The following CA4 variants were observed in gnomAD, a reference collection of about 807,000 sequenced individuals.
The protein encoded by CA4 is CA-IV.
Under a neutral mutation model 34.5 loss-of-function variants are expected in CA4, and 24 were observed. That is an observed-to-expected ratio of 0.70 (90% CI 0.50 to 0.98). The LOEUF (loss-of-function observed/expected upper bound fraction) is 0.98. CA4 is among the 50% of genes least tolerant of loss of function. The pLI is 0.00. For synonymous variants in CA4, 178 were observed against 170.6 expected (o/e 1.04, Z -0.34); for missense variants, 394 against 396.7 (o/e 0.99, Z 0.06).
At chr17:60,169,265 C>CAAAAAAAAAAAAAAAAAAA (rs1567737713) in intron 5 of CA4, among the ~76,000 whole-genome samples, 1 of 139,556 alleles carries the variant, frequency 7.2e-6, no homozygotes, top group African/African-American at 3.0e-5. Flanking sequence ...AAAAAAAAAG[C>CAAAAAAAAAAAAAAAAAAA]AGCAGCAGCA....
the CA4 span, among the ~76,000 whole-genome samples, chr17:60,178,106 A>C: frequency 2.0e-5 from 3 of 152,238 alleles, no homozygotes; most frequent in African/African-American, 7.2e-5. Flanking sequence ...AAAATAAAAA[A>C]ATTAGTGGAC....
At chr17:60,161,980 G>A (rs1165453811), downstream of CA4, among the ~76,000 whole-genome samples, 1 of 151,908 alleles carries the variant, frequency 6.6e-6, no homozygotes, top group Non-Finnish European at 1.5e-5. Flanking sequence ...TGAATAATGT[G>A]GCAGCAGGAC....
downstream of CA4, among the ~76,000 whole-genome samples, chr17:60,161,335 T>A (rs995480682): frequency 1.5e-4 from 23 of 152,210 alleles, no homozygotes; most frequent in African/African-American, 4.3e-4. Context: ...GGCCCGCAGC[T>A]GTCAGACCTC....
chr17:60,172,808 C>T (rs2083922568), downstream of CA4, among the ~76,000 whole-genome samples: 1 of 151,758 alleles, frequency 6.6e-6, no homozygotes, highest in South Asian at 2.1e-4. Flanking sequence ...AGTGCCACTT[C>T]ACTCCAGCCT....
At chr17:60,171,503 G>GTGGCCA (rs2083910243), downstream of CA4, among the ~76,000 whole-genome samples, 1 of 152,234 alleles carries the variant, frequency 6.6e-6, no homozygotes, top group African/African-American at 2.4e-5. Context: ...GGCCCACCCT[G>GTGGCCA]TGGCCATGAT....
At chr17:60,156,325 A>G (rs1193051275) in intron 2 of CA4, among the ~76,000 whole-genome samples, 1 of 152,158 alleles carries the variant, frequency 6.6e-6, no homozygotes. Context: ...CCTGTTCCAC[A>G]CTGGGGCTAG....
At chr17:60,173,182 A>G (rs966640259), downstream of CA4, among the ~76,000 whole-genome samples, 3 of 152,228 alleles carry the variant, frequency 2.0e-5, no homozygotes, top group African/African-American at 7.2e-5. Context: ...ACTAAAATAA[A>G]TAAATACATA....
chr17:60,161,139 A>G (rs571034205), downstream of CA4, among the ~76,000 whole-genome samples: 3 of 152,054 alleles, frequency 2.0e-5, no homozygotes, highest in South Asian at 6.2e-4. Flanking sequence ...ACTTGTCAGG[A>G]AAGTCCCCAC....
At chr17:60,156,081 G>C (rs1470813654) in intron 2 of CA4, among the ~76,000 whole-genome samples, 1 of 152,128 alleles carries the variant, frequency 6.6e-6, no homozygotes, top group East Asian at 1.9e-4. Context: ...CCATTCCTCA[G>C]ATGATGCTCA....
At chr17:60,156,342 C>T (rs2083683258) in intron 2 of CA4, among the ~76,000 whole-genome samples, 1 of 152,190 alleles carries the variant, frequency 6.6e-6, no homozygotes, top group African/African-American at 2.4e-5. Context: ...CTAGACTCCC[C>T]AGCCTTGCAT....
At chr17:60,166,518 C>T (rs965065473) in intron 5 of CA4, among the ~76,000 whole-genome samples, 1 of 152,224 alleles carries the variant, frequency 6.6e-6, no homozygotes, top group African/African-American at 2.4e-5. Context: ...CCTCAAGAAA[C>T]TAATTTCTAT....
At chr17:60,174,777 C>T (rs2083942064), downstream of CA4, among the ~76,000 whole-genome samples, 1 of 152,218 alleles carries the variant, frequency 6.6e-6, no homozygotes, top group South Asian at 2.1e-4. Context: ...CTTACACATT[C>T]TGGTGTGTCC....
intron 1 of CA4, 33 bp from the exon 2 acceptor site, chr17:60,155,281 A>G (rs570966096): frequency 6.2e-7 from 1 of 1,604,448 alleles, no homozygotes; most frequent in East Asian, 2.2e-5. Flanking sequence ...AGACACACGC[A>G]CGCACACTTC....
chr17:60,161,107 G>T (rs547627426), downstream of CA4, among the ~76,000 whole-genome samples: 1 of 152,226 alleles, frequency 6.6e-6, no homozygotes, highest in South Asian at 2.1e-4. Context: ...GTGTCCAAGG[G>T]TGTGGGGCTT....
At chr17:60,168,974 C>T (rs1436516310) in intron 5 of CA4, among the ~76,000 whole-genome samples, 1 of 152,112 alleles carries the variant, frequency 6.6e-6, no homozygotes, top group East Asian at 1.9e-4. Context: ...CAACCAGGCA[C>T]GGTGACTCGC....
At chr17:60,166,739 CCT>C (rs2145303501) in intron 5 of CA4, among the ~76,000 whole-genome samples, 1 of 152,216 alleles carries the variant, frequency 6.6e-6, no homozygotes, top group Non-Finnish European at 1.5e-5. Context: ...GGGCGGATCA[CCT>C]GAGGTCAGGA....
downstream of CA4, among the ~76,000 whole-genome samples, chr17:60,163,002 T>C (rs778842924): frequency 4.6e-5 from 7 of 152,178 alleles, no homozygotes; most frequent in Non-Finnish European, 7.4e-5. Flanking sequence ...CTGTTTAGAT[T>C]CAGCATCCGG....
chr17:60,151,076 T>A (rs2083584334), intron 1 of CA4, among the ~76,000 whole-genome samples: 1 of 152,166 alleles, frequency 6.6e-6, no homozygotes, highest in South Asian at 2.1e-4. Context: ...ATGTTAATAT[T>A]TGATAAGAAG....
In CA4 at chr17:60,159,364, G is replaced by A; in HGVS notation, c.879G>A (p.Trp293Ter). 5.0e-6 allele frequency: 8 copies of A among 1,611,828 alleles called. No homozygotes were observed. Among genetic ancestry groups the A allele is most frequent in the East Asian group, 2.2e-5 (1 of 44,822 alleles). The change falls in exon 8 of 8, where the codon TGG becomes TGA. Residue 293 changes from tryptophan to a stop codon, truncating the protein, a stop_gained. Coordinates refer to ENST00000300900, the MANE Select transcript of CA4 (RefSeq NM_000717.5). LOFTEE classifies it low-confidence loss of function (END_TRUNC). ...GGGCCCCGGGTCGGCCGCTGCCCTG[G>A]GCCCTGCCTGCCCTGCTGGGCCCCA... is the stretch of plus-strand genomic sequence containing the variant. ...KSGAPGRPLP[W>*]ALPALLGPML...
Sources: allele counts gnomAD v4.1 joint callset (sites outside exome capture counted in the v4.1 genomes callset), GRCh38; gene constraint gnomAD v4.1.1; transcripts MANE v1.5; gene names NCBI Gene and HGNC (gene_info 2026-07-23, HGNC 2026-07-21).